PCDHA2: variants seen among roughly 807,000 people sequenced by gnomAD.
The protein encoded by PCDHA2 is protocadherin alpha 2.
In PCDHA2, 58 loss-of-function variants were observed where a neutral mutation model predicts 66.0. That is an observed-to-expected ratio of 0.88 (90% confidence interval 0.71 to 1.09). PCDHA2 has a LOEUF of 1.09. Among genes scored for constraint, PCDHA2 ranks in the 50% least tolerant of loss-of-function variants. PCDHA2 has a pLI of 0.00. For synonymous variants in PCDHA2, 634 were observed against 554.0 expected (o/e 1.14, Z -2.03); for missense variants, 1,267 against 1,242.3 (o/e 1.02, Z -0.30).
intron 1 of PCDHA2, chr5:140,817,705 T>G (rs2150098815): frequency 3.3e-5 from 5 of 152,226 alleles, no homozygotes; most frequent in African/African-American, 4.8e-5. Context: ...TTATTATCAT[T>G]GTTTTGTTAA....
At chr5:140,822,919 G>A (rs2150120383) in intron 1 of PCDHA2, 7 of 1,614,112 alleles carry the variant, frequency 4.3e-6, no homozygotes, top group Non-Finnish European at 5.9e-6. Flanking sequence ...AGGTGCCAAC[G>A]GGCAGGTGAC....
intron 1 of PCDHA2, among the ~76,000 whole-genome samples, chr5:140,938,520 A>G (rs1240941217): frequency 6.6e-6 from 1 of 150,896 alleles, no homozygotes; most frequent in African/African-American, 2.4e-5. Context: ...ATTTTCTGTT[A>G]TTGAATGGAT....
intron 1 of PCDHA2, among the ~76,000 whole-genome samples, chr5:140,945,881 A>C (rs1334626828): frequency 6.6e-6 from 1 of 152,158 alleles, no homozygotes; most frequent in African/African-American, 2.4e-5. Flanking sequence ...AAAACTAACA[A>C]AGAAAACACA....
intron 1 of PCDHA2, among the ~76,000 whole-genome samples, chr5:140,800,204 T>C (rs1209406776): frequency 6.6e-6 from 1 of 152,138 alleles, no homozygotes; most frequent in African/African-American, 2.4e-5. Flanking sequence ...ATATTCTTAA[T>C]TGATGTGATG....
intron 1 of PCDHA2, chr5:140,854,253 A>C: frequency 1.3e-5 from 8 of 620,086 alleles, no homozygotes; most frequent in Non-Finnish European, 1.6e-5. Flanking sequence ...CACTTGGTAT[A>C]AAATGTACAT....
At chr5:140,852,213 T>C (rs1221806389) in intron 1 of PCDHA2, 1 of 646,494 alleles carries the variant, frequency 1.5e-6, no homozygotes, top group Non-Finnish European at 2.0e-6. Flanking sequence ...TAAAACAAAA[T>C]ATTTTAATTT....
intron 1 of PCDHA2, chr5:140,928,805 T>C (rs1554206331): frequency 6.2e-7 from 1 of 1,614,162 alleles, no homozygotes. Context: ...GTGGTAGTGG[T>C]TCGGGACCAT....
intron 1 of PCDHA2, among the ~76,000 whole-genome samples, chr5:140,920,082 C>T (rs567545861): frequency 2.0e-5 from 3 of 152,248 alleles, no homozygotes; most frequent in East Asian, 1.9e-4. Context: ...ACAGATTCTC[C>T]GTAGAGCCTC....
At chr5:140,852,888 T>TA (rs1217426677) in intron 1 of PCDHA2, 2 of 919,976 alleles carry the variant, frequency 2.2e-6, no homozygotes, top group Non-Finnish European at 2.6e-6. Context: ...AAAACGTATT[T>TA]TTTTTTTTGA....
At chr5:140,919,069 A>G (rs2078992601) in intron 1 of PCDHA2, among the ~76,000 whole-genome samples, 1 of 152,200 alleles carries the variant, frequency 6.6e-6, no homozygotes, top group African/African-American at 2.4e-5. Context: ...TAAAGTCTCC[A>G]GTTATGACTA....
At chr5:140,841,254 A>G in intron 1 of PCDHA2, 9 of 1,510,716 alleles carry the variant, frequency 6.0e-6, no homozygotes, top group Non-Finnish European at 7.1e-6. Context: ...GGATTAAAAG[A>G]CTCTGAAAGT....
chr5:140,960,111 A>G (rs1554224465), intron 1 of PCDHA2, among the ~76,000 whole-genome samples: 1 of 152,256 alleles, frequency 6.6e-6, no homozygotes, highest in African/African-American at 2.4e-5. Flanking sequence ...TGTGGGAACA[A>G]TAGTATTCCT....
At chr5:140,982,434 T>A in intron 2 of PCDHA2, 41 bp from the exon 3 acceptor site, 1 of 1,613,270 alleles carries the variant, frequency 6.2e-7, no homozygotes, top group Non-Finnish European at 8.5e-7. Flanking sequence ...TGGGAAAGAA[T>A]TTATGATCTA....
At chr5:140,922,150 T>C (rs999486530) in intron 1 of PCDHA2, among the ~76,000 whole-genome samples, 5 of 151,298 alleles carry the variant, frequency 3.3e-5, no homozygotes, top group African/African-American at 1.2e-4. Flanking sequence ...ATGAAACTCA[T>C]CAAAAACAAC....
chr5:140,808,288 A>C (rs558368173), intron 1 of PCDHA2: 1 of 1,614,276 alleles, frequency 6.2e-7, no homozygotes, highest in Non-Finnish European at 8.5e-7. Context: ...CACTGGGTAC[A>C]GTCATCGCCC....
intron 1 of PCDHA2, chr5:140,883,880 C>A: frequency 6.2e-7 from 1 of 1,613,304 alleles, no homozygotes. Context: ...GGTGAGCGCG[C>A]GCGACTCTGG....
chr5:140,834,543 C>A (rs1580783721), intron 1 of PCDHA2: 2 of 1,614,086 alleles, frequency 1.2e-6, no homozygotes, highest in Non-Finnish European at 1.7e-6. Flanking sequence ...GGACCTGGGG[C>A]TGGAGCTGGC....
At chr5:140,814,148 T>G (rs1765442491) in intron 1 of PCDHA2, 2 of 153,200 alleles carry the variant, frequency 1.3e-5, no homozygotes, top group South Asian at 4.1e-4. Flanking sequence ...AAATATTTTC[T>G]CTTTATATCC....
In PCDHA2 at chr5:140,886,699, G is replaced by A. The variant is rs540537249; in HGVS notation, c.2388+89347G>A. Among the ~76,000 whole-genome samples the A allele has an allele frequency of 7.8e-4, 119 of 151,966 alleles. 1 individual carries two copies. In the East Asian group the frequency reaches 0.01, roughly 13 times the overall value. ...AAATTAGCGAGGCATGGTGGCACGC[G>A]CCTGTAATCCCAGCTACTTGGGAGG... On this transcript the variant is annotated intron_variant, in intron 1 of 3. Transcript: ENST00000526136.
Sources: gnomAD v4.1 joint callset for allele counts (sites outside exome capture counted in the v4.1 genomes callset) on GRCh38, gnomAD v4.1.1 for gene constraint, MANE v1.5 for transcripts, NCBI Gene and HGNC (gene_info 2026-07-23, HGNC 2026-07-21) for gene names.